The following SYN2 variants were observed in gnomAD, a reference collection of about 807,000 sequenced individuals.
The protein encoded by SYN2 is synapsin-2.
In SYN2, 19 loss-of-function variants were observed where a neutral mutation model predicts 50.9. The ratio of observed to expected loss-of-function variants is 0.37; its 90% confidence interval spans 0.26 to 0.55. SYN2 has a LOEUF of 0.55. Among genes scored for constraint, SYN2 ranks in the 20% least tolerant of loss-of-function variants. The pLI, the probability that SYN2 is intolerant of heterozygous loss-of-function variation, is 0.81. For synonymous variants in SYN2, 255 were observed against 224.9 expected, an observed-to-expected ratio of 1.13 and a Z score of -1.20; for missense variants, 587 against 576.4, an observed-to-expected ratio of 1.02 and a Z score of -0.19.
chr3:12,022,525 A>G (rs1385403535), intron 1 of SYN2, among the ~76,000 whole-genome samples: 2 of 151,976 alleles, frequency 1.3e-5, no homozygotes, highest in African/African-American at 2.4e-5. Flanking sequence ...CTCCTGCCTT[A>G]GCCTCCCGAG....
At chr3:12,150,414 G>A (rs926257566) in intron 4 of SYN2, among the ~76,000 whole-genome samples, 1 of 152,188 alleles carries the variant, frequency 6.6e-6, no homozygotes. Flanking sequence ...AAATGAAGGG[G>A]CCTTGCTGTG....
intron 1 of SYN2, among the ~76,000 whole-genome samples, chr3:12,111,448 A>G (rs911660185): frequency 2.6e-5 from 4 of 152,148 alleles, no homozygotes; most frequent in Non-Finnish European, 5.9e-5. Context: ...GGTATCTGTC[A>G]TTTTGACCCT....
chr3:12,173,909 A>G (rs1223183352), intron 10 of SYN2, among the ~76,000 whole-genome samples: 2 of 152,196 alleles, frequency 1.3e-5, no homozygotes, highest in South Asian at 2.1e-4. Context: ...CTGTGTCTCA[A>G]AAAGAAAAAG....
At chr3:12,146,428 T>A (rs919270068) in intron 4 of SYN2, among the ~76,000 whole-genome samples, 1 of 152,222 alleles carries the variant, frequency 6.6e-6, no homozygotes, top group African/African-American at 2.4e-5. Flanking sequence ...GATAGAGATA[T>A]GAAAATTAAA....
chr3:12,122,967 T>C (rs1696592117), intron 1 of SYN2, among the ~76,000 whole-genome samples: 1 of 152,084 alleles, frequency 6.6e-6, no homozygotes, highest in East Asian at 1.9e-4. Flanking sequence ...ATAAAAGCAT[T>C]GCCAATGGCC....
chr3:12,184,777 C>CAGTGCCTCATCTTG, intron 11 of SYN2: 3 of 985,948 alleles, frequency 3.0e-6, no homozygotes, highest in Non-Finnish European at 3.6e-6. Context: ...GCCTCAGCTT[C>CAGTGCCTCATCTTG]AGTGCCTCAT....
intron 10 of SYN2, 104 bp downstream of exon 10, chr3:12,170,010 G>C (rs888907382): frequency 2.2e-6 from 3 of 1,370,966 alleles, no homozygotes; most frequent in Non-Finnish European, 2.9e-6. Flanking sequence ...ATGCCCACAG[G>C]CCTAAATGGG....
In SYN2 at chr3:12,174,324, A is replaced by C. The variant is rs1698009331; in HGVS notation, c.1308+4418A>C. Among the ~76,000 whole-genome samples, 6 of 152,034 alleles carry C rather than the reference A, an allele frequency of 3.9e-5. No individual in the cohort carries two copies. In the South Asian group the frequency reaches 1.2e-3, roughly 32 times the overall value. ...AAGCAGAACTCTAGTTTTTCCCCTTAGTCCTGTCCCCCCAACATTGTTTTT... is the reference window on the plus strand; with the variant it reads ...AAGCAGAACTCTAGTTTTTCCCCTTCGTCCTGTCCCCCCAACATTGTTTTT... On this transcript the variant is annotated intron_variant, in intron 10 of 12. Transcript: ENST00000621198.
intron 5 of SYN2, among the ~76,000 whole-genome samples, chr3:12,157,852 G>A (rs913472057): frequency 1.3e-5 from 2 of 152,182 alleles, no homozygotes; most frequent in African/African-American, 4.8e-5. Flanking sequence ...ATCTATTGCT[G>A]TGGTCAAGGC....
chr3:12,052,991 C>G (rs1209833135), intron 1 of SYN2, among the ~76,000 whole-genome samples: 1 of 152,144 alleles, frequency 6.6e-6, no homozygotes, highest in Non-Finnish European at 1.5e-5. Context: ...CATGTTGTTT[C>G]ATTTTACCTT....
intron 1 of SYN2, among the ~76,000 whole-genome samples, chr3:12,134,692 T>C (rs748620085): frequency 6.6e-6 from 1 of 152,246 alleles, no homozygotes; most frequent in East Asian, 1.9e-4. Flanking sequence ...CACTGACTTA[T>C]GAGGTAGAGG....
At chr3:12,164,565 CG>C (rs748897227) in intron 7 of SYN2, among the ~76,000 whole-genome samples, 1 of 152,184 alleles carries the variant, frequency 6.6e-6, no homozygotes, top group Non-Finnish European at 1.5e-5. Context: ...CAGCAATCAC[CG>C]TGGAGATCCA....
At chr3:12,165,203 T>G (rs1697753462) in intron 7 of SYN2, 1 of 152,178 alleles carries the variant, frequency 6.6e-6, no homozygotes, top group South Asian at 2.1e-4. Context: ...ACCAGGATGG[T>G]CTCGATCTCC....
intron 10 of SYN2, among the ~76,000 whole-genome samples, chr3:12,179,514 G>C (rs1025829910): frequency 1.3e-5 from 2 of 151,714 alleles, no homozygotes; most frequent in African/African-American, 4.8e-5. Flanking sequence ...TACCTCTCAT[G>C]CCAGGAAGCT....
rs1163467911 is a variant in SYN2, at chr3:12,151,319, A to T, written c.767A>T (p.Lys256Ile). Residue 256 changes from lysine (K) to isoleucine (I), a missense_variant, in exon 5 of 13, where the codon AAA becomes ATA. Transcript: ENST00000621198. ...LIEQTYYPNH[K>I]EMLTLPTFPV... ...GAACAGACATACTACCCCAACCACA[A>T]AGAGATGGTAAGTGGCTCAGTGGGG... 7 of 1,611,922 alleles carry T rather than the reference A, an allele frequency of 4.3e-6. No individual in the cohort carries two copies. The African/African-American group carries it at 9.3e-5, about 22-fold the overall frequency.
intron 1 of SYN2, among the ~76,000 whole-genome samples, chr3:12,080,800 CT>C (rs1362753242): frequency 1.3e-5 from 2 of 152,148 alleles, no homozygotes; most frequent in African/African-American, 4.8e-5. Flanking sequence ...GTGGAGAGTT[CT>C]GTAGATATCT....
At chr3:12,143,864 T>C (rs1434712621) in intron 3 of SYN2, among the ~76,000 whole-genome samples, 1 of 152,234 alleles carries the variant, frequency 6.6e-6, no homozygotes, top group African/African-American at 2.4e-5. Flanking sequence ...AATCTTTATA[T>C]TGTTTTCTGT....
In SYN2 at chr3:12,187,423, G is replaced by C; in HGVS notation, c.1424G>C (p.Arg475Pro). Residue 475 changes from arginine to proline, a missense_variant, in exon 12 of 13, where the codon CGC (arginine) becomes CCC (proline). Physicochemically the swap from Arg to Pro is moderately radical, Grantham distance 103. Transcript: ENST00000621198. ...MQPPGKVLPP[R>P]RLPPGPSLPP... ...CCCCCAGGCAAGGTGCTGCCTCCAC[G>C]CCGGCTCCCCCCTGGACCATCACTG... 1 of 1,551,888 alleles carries C rather than the reference G, an allele frequency of 6.4e-7. No homozygotes were observed. Among genetic ancestry groups the C allele is most frequent in the Non-Finnish European group, 8.7e-7 (1 of 1,146,892 alleles).
At chr3:12,173,670 CT>C (rs1460306644) in intron 10 of SYN2, among the ~76,000 whole-genome samples, 1 of 152,146 alleles carries the variant, frequency 6.6e-6, no homozygotes, top group Non-Finnish European at 1.5e-5. Flanking sequence ...AATCCCAGCA[CT>C]TTAGGAGGCC....
Sources: allele counts gnomAD v4.1 joint callset (sites outside exome capture counted in the v4.1 genomes callset), GRCh38; gene constraint gnomAD v4.1.1; transcripts MANE v1.5; gene names NCBI Gene and HGNC (gene_info 2026-07-23, HGNC 2026-07-21).